NCKAP5: variants seen among roughly 807,000 people sequenced by gnomAD.
NCKAP5 encodes the protein NCK associated protein 5, also known as nck-associated protein 5.
A neutral mutation model predicts 167.0 loss-of-function variants in NCKAP5; 92 were observed. The ratio of observed to expected loss-of-function variants is 0.55; its 90% CI spans 0.47 to 0.66. The LOEUF (loss-of-function observed/expected upper bound fraction) is 0.66. NCKAP5 is among the 30% of genes least tolerant of loss of function. The pLI, the probability that NCKAP5 is intolerant of heterozygous loss-of-function variation, is 0.00. For missense variants in NCKAP5, 2,378 were observed against 2,315.0 expected (o/e 1.03, Z -0.56); for synonymous variants, 891 against 877.4 (o/e 1.02, Z -0.27).
intron 4 of NCKAP5, among the ~76,000 whole-genome samples, chr2:133,251,364 G>C (rs1372368149): frequency 6.6e-6 from 1 of 151,760 alleles, no homozygotes; most frequent in Admixed American, 6.5e-5. Flanking sequence ...GAGTGGAAAA[G>C]AAAACAGACA....
chr2:132,824,131 AAAAC>A (rs34908560), intron 11 of NCKAP5, among the ~76,000 whole-genome samples: 1 of 151,514 alleles, frequency 6.6e-6, no homozygotes, highest in Non-Finnish European at 1.5e-5. Flanking sequence ...TTCAGCTGCA[AAAAC>A]AAACAAACAA....
chr2:132,904,416 T>C (rs1449368068), intron 8 of NCKAP5, among the ~76,000 whole-genome samples: 1 of 152,016 alleles, frequency 6.6e-6, no homozygotes, highest in African/African-American at 2.4e-5. Context: ...GATTGTATTA[T>C]GGGACCATAC....
chr2:132,987,415 A>G (rs543469617), intron 7 of NCKAP5, among the ~76,000 whole-genome samples: 1 of 152,316 alleles, frequency 6.6e-6, no homozygotes, highest in African/African-American at 2.4e-5. Flanking sequence ...ATATTTCATG[A>G]TTGATAAACT....
At chr2:133,324,189 C>T (rs896017217) in intron 3 of NCKAP5, among the ~76,000 whole-genome samples, 21 of 152,302 alleles carry the variant, frequency 1.4e-4, no homozygotes, top group African/African-American at 3.4e-4. Flanking sequence ...CTGGATGAGG[C>T]GTAAACCAGG....
intron 11 of NCKAP5, among the ~76,000 whole-genome samples, chr2:132,806,492 G>T (rs1426891212): frequency 1.3e-5 from 2 of 151,850 alleles, no homozygotes; most frequent in African/African-American, 4.8e-5. Context: ...TTGCATTGTG[G>T]TTTTGATTTG....
chr2:133,328,573 T>C (rs1682615940), intron 3 of NCKAP5, among the ~76,000 whole-genome samples: 1 of 152,152 alleles, frequency 6.6e-6, no homozygotes, highest in Non-Finnish European at 1.5e-5. Flanking sequence ...TGACATCCTT[T>C]GAGAGCCAAA....
intron 13 of NCKAP5, among the ~76,000 whole-genome samples, chr2:132,788,162 G>T (rs1177449005): frequency 1.3e-5 from 2 of 152,180 alleles, no homozygotes; most frequent in Non-Finnish European, 2.9e-5. Context: ...AGTGATGGTG[G>T]GGAGGAGCTG....
At chr2:132,722,414 C>T (rs914319174) in intron 19 of NCKAP5, among the ~76,000 whole-genome samples, 1 of 152,172 alleles carries the variant, frequency 6.6e-6, no homozygotes, top group African/African-American at 2.4e-5. Flanking sequence ...CCTTGACATA[C>T]CTTCCTCACT....
chr2:133,540,166 G>A (rs1235404614), intron 2 of NCKAP5, among the ~76,000 whole-genome samples: 4 of 152,098 alleles, frequency 2.6e-5, no homozygotes, highest in Non-Finnish European at 5.9e-5. Context: ...GGGTGACAGA[G>A]TGAAACTCCA....
At chr2:133,180,028 A>C (rs2084660814) in intron 5 of NCKAP5, among the ~76,000 whole-genome samples, 1 of 152,224 alleles carries the variant, frequency 6.6e-6, no homozygotes, top group Non-Finnish European at 1.5e-5. Context: ...CTGTGCCAAG[A>C]CAAACCATCG....
At chr2:133,128,570 GA>G (rs1301673794) in intron 6 of NCKAP5, among the ~76,000 whole-genome samples, 5 of 151,942 alleles carry the variant, frequency 3.3e-5, no homozygotes, top group African/African-American at 1.2e-4. Flanking sequence ...TTCTTTGAAA[GA>G]GAGATTCTAG....
intron 8 of NCKAP5, among the ~76,000 whole-genome samples, chr2:132,952,462 C>T: frequency 6.6e-6 from 1 of 152,192 alleles, no homozygotes; most frequent in Non-Finnish European, 1.5e-5. Context: ...CCCCCCCACT[C>T]CTTGGCTTAC....
chr2:132,784,977 T>G lies in NCKAP5; in HGVS notation c.1834A>C (p.Lys612Gln). 11 of 1,613,676 alleles carry G rather than the reference T, an allele frequency of 6.8e-6. No homozygotes were observed. Among genetic ancestry groups the G allele is most frequent in the Non-Finnish European group, 9.3e-6 (11 of 1,179,706 alleles). Reference protein sequence around the residue: ...SDVSLAADTDKSVENLDVLVG... With the variant: ...SDVSLAADTDQSVENLDVLVG... ...AGGACATCCAGGTTCTCCACGGACT[T>G]ATCGGTGTCGGCAGCCAATGACACG... is the stretch of plus-strand genomic sequence containing the variant. Residue 612 changes from lysine (K) to glutamine (Q), a missense_variant, in exon 14 of 20, where the codon AAG (lysine) becomes CAG (glutamine). Lys to Gln is a moderately conservative substitution (Grantham distance 53, BLOSUM62 1). Around this residue, in one of 3 missense-constraint regions of NCKAP5, gnomAD observed 1,049 missense variants for 1,023.4 expected, o/e 1.02. Coordinates refer to ENST00000409261, the MANE Select transcript of NCKAP5 (RefSeq NM_207363.3).
chr2:132,871,727 A>G (rs1690832552), intron 9 of NCKAP5, among the ~76,000 whole-genome samples: 1 of 152,194 alleles, frequency 6.6e-6, no homozygotes, highest in Admixed American at 6.5e-5. Flanking sequence ...CTGAACAAAG[A>G]TACACGAATG....
intron 6 of NCKAP5, among the ~76,000 whole-genome samples, chr2:133,051,432 G>A (rs909863791): frequency 1.3e-5 from 2 of 151,896 alleles, no homozygotes; most frequent in Non-Finnish European, 2.9e-5. Flanking sequence ...TTAGTTAAAG[G>A]GTTGCTATTG....
intron 11 of NCKAP5, among the ~76,000 whole-genome samples, chr2:132,812,600 T>C (rs930696840): frequency 6.6e-6 from 1 of 152,094 alleles, no homozygotes; most frequent in African/African-American, 2.4e-5. Flanking sequence ...CTGTGGGAAC[T>C]CTCGGCAGAG....
At chr2:133,215,142 G>A (rs1231544505) in intron 4 of NCKAP5, among the ~76,000 whole-genome samples, 1 of 152,196 alleles carries the variant, frequency 6.6e-6, no homozygotes, top group Non-Finnish European at 1.5e-5. Flanking sequence ...AGGGGCAACA[G>A]AGTAGATAGG....
intron 4 of NCKAP5, among the ~76,000 whole-genome samples, chr2:133,218,732 G>A (rs2086534305): frequency 6.6e-6 from 1 of 152,128 alleles, no homozygotes; most frequent in African/African-American, 2.4e-5. Flanking sequence ...CAGATCAAAA[G>A]CCAATCTTAT....
the NCKAP5 span, among the ~76,000 whole-genome samples, chr2:133,647,418 A>AGGAAGGAG: frequency 7.8e-4 from 95 of 122,048 alleles, 1 homozygote; most frequent in Non-Finnish European, 1.3e-3. Context: ...GAAGGAAGGA[A>AGGAAGGAG]GAGAAAGAAA....
Sources: allele counts gnomAD v4.1 joint callset (sites outside exome capture counted in the v4.1 genomes callset), GRCh38; gene constraint gnomAD v4.1.1; regional missense constraint gnomAD v4.1.1; transcripts MANE v1.5; gene names NCBI Gene and HGNC (gene_info 2026-07-23, HGNC 2026-07-21).